The following DGKG variants were observed in gnomAD, a reference collection of about 807,000 sequenced individuals.
DGKG encodes the protein diacylglycerol kinase gamma.
A neutral mutation model predicts 105.3 loss-of-function variants in DGKG; 78 were observed. That is an observed-to-expected ratio of 0.74 (90% confidence interval 0.62 to 0.89). The LOEUF is 0.89. Ranked by LOEUF, DGKG falls within the 40% of genes least tolerant of loss-of-function variation. The pLI, the probability that DGKG is intolerant of heterozygous loss-of-function variation, is 0.00. For synonymous variants in DGKG, 346 were observed against 367.1 expected, an observed-to-expected ratio of 0.94 and a Z score of 0.66; for missense variants, 958 against 1,020.1, an observed-to-expected ratio of 0.94 and a Z score of 0.83.
chr3:186,294,536 CAAAA>C (rs10574886), intron 5 of DGKG, among the ~76,000 whole-genome samples: 96 of 106,854 alleles, frequency 9.0e-4, no homozygotes, highest in African/African-American at 3.0e-3. Flanking sequence ...AACTCTGTCT[CAAAA>C]AAAAAAAAAA....
In DGKG at chr3:186,226,350, G is replaced by A. The variant is rs1719860350; in HGVS notation, c.1827-14465C>T. Among the ~76,000 whole-genome samples, 1 of 152,140 alleles carries A rather than the reference G, an allele frequency of 6.6e-6. No individual in the cohort carries two copies. The highest frequency in any genetic ancestry group is 2.1e-4 in the South Asian group (1 of 4,824). On this transcript the variant is annotated intron_variant, in intron 20 of 24. Transcript: ENST00000265022. This position sits in a 1 kb window ranked among gnomAD's most constrained non-coding sequence, Gnocchi z 4.2. ...TACCAGTTGTGGAGATGGGGCCAGA[G>A]GGGGAAATGTGTACAAGGCATGAAC...
At chr3:186,197,515 G>A (rs974604151) in intron 21 of DGKG, among the ~76,000 whole-genome samples, 4 of 152,166 alleles carry the variant, frequency 2.6e-5, no homozygotes, top group South Asian at 2.1e-4. Flanking sequence ...AGCCCCCGGG[G>A]CCTGTGGGAC....
At position 186,275,692 on chromosome 3, in the gene DGKG, C is replaced by G. The variant is rs760646366; in HGVS notation, c.793-28G>C. ...GCAGGGGTAATAGGAGGTGAGACCCCAAGCTGGCTGCCCTGAGATGGAGGA... is the reference window on the plus strand; with the variant it reads ...GCAGGGGTAATAGGAGGTGAGACCCGAAGCTGGCTGCCCTGAGATGGAGGA... On this transcript the variant is annotated intron_variant, in intron 9 of 24. Transcript: ENST00000265022. 1.1e-5 allele frequency: 18 copies of G among 1,575,152 alleles called. No homozygotes were observed. In the Admixed American group the frequency reaches 1.9e-4, roughly 16 times the overall value.
At chr3:186,223,510 C>T (rs1719703854) in intron 20 of DGKG, among the ~76,000 whole-genome samples, 1 of 152,062 alleles carries the variant, frequency 6.6e-6, no homozygotes, top group Admixed American at 6.6e-5. Context: ...CCTTTCCCAT[C>T]ATGAAATTGT....
chr3:186,304,632 G>A (rs1261109769), intron 3 of DGKG, among the ~76,000 whole-genome samples: 1 of 152,178 alleles, frequency 6.6e-6, no homozygotes, highest in East Asian at 1.9e-4. Context: ...AAAACATTCT[G>A]GGGAAAGGGG....
At chr3:186,290,712 A>G (rs1214446912) in intron 5 of DGKG, among the ~76,000 whole-genome samples, 2 of 152,232 alleles carry the variant, frequency 1.3e-5, no homozygotes, top group African/African-American at 4.8e-5. Flanking sequence ...TCTGGAGCCC[A>G]CAGTGGCTAG....
chr3:186,267,588 G>T, intron 13 of DGKG, 97 bp downstream of exon 13: 1 of 898,034 alleles, frequency 1.1e-6, no homozygotes, highest in Non-Finnish European at 1.8e-6. Context: ...AGAGTTGTCA[G>T]GGAAGCCCTG....
intron 24 of DGKG, among the ~76,000 whole-genome samples, chr3:186,156,972 T>G (rs1716065859): frequency 6.6e-6 from 1 of 152,056 alleles, no homozygotes; most frequent in African/African-American, 2.4e-5. Flanking sequence ...CAAATAATTA[T>G]ATTTCTTTTT....
In DGKG at chr3:186,298,119, G is replaced by C; in HGVS notation, c.255C>G (p.His85Gln). 6.2e-7 allele frequency: 1 copy of C among 1,614,132 alleles called. No homozygotes were observed. The highest frequency in any genetic ancestry group is 8.5e-7 in the Non-Finnish European group (1 of 1,180,008). ...CCTCCGTCGGGTGGTCAGAGGTCTCGTGTCTGGGCTTCTGGCTGAAGGCCA... is the reference window on the plus strand; with the variant it reads ...CCTCCGTCGGGTGGTCAGAGGTCTCCTGTCTGGGCTTCTGGCTGAAGGCCA... ...LFLAFSQKPR[H>Q]ETSDHPTEGA... The change falls in exon 4 of 25, where the codon CAC (histidine) becomes CAG (glutamine). Residue 85 changes from histidine to glutamine, a missense_variant. Around this residue, in one of 2 missense-constraint regions of DGKG, gnomAD observed 643 missense variants for 619.5 expected, o/e 1.04. Transcript: ENST00000265022.
intron 5 of DGKG, among the ~76,000 whole-genome samples, chr3:186,292,672 T>TA (rs1483878885): frequency 2.9e-5 from 4 of 138,002 alleles, no homozygotes; most frequent in African/African-American, 1.0e-4. Flanking sequence ...CGGGTGCCTG[T>TA]AATCCCAGCT....
rs202120237 is a variant in DGKG, at chr3:186,261,766, G to A, written c.1282C>T (p.Pro428Ser). ...AGCAGGGGGTGGGTACCCGGGGTGGGGATGATCTTATACTTGAAAGGTAAA... is the reference window on the plus strand; with the variant it reads ...AGCAGGGGGTGGGTACCCGGGGTGGAGATGATCTTATACTTGAAAGGTAAA... ...GELVMQYKII[P>S]TPGTHPLLVL... The change falls in exon 15 of 25, where the codon CCC becomes TCC. Residue 428 changes from proline (P) to serine (S), a missense_variant. By Grantham distance (74) the Pro-to-Ser change is moderately conservative. This residue lies in a region of DGKG where 643 missense variants were observed against 619.5 expected (regional missense o/e 1.04). Transcript: ENST00000265022. 4 of 1,602,382 alleles carry A rather than the reference G, an allele frequency of 2.5e-6. No homozygotes were observed. Among genetic ancestry groups the A allele is most frequent in the South Asian group, 1.1e-5 (1 of 88,636 alleles).
chr3:186,212,633 A>G (rs1355245408), intron 20 of DGKG, among the ~76,000 whole-genome samples: 1 of 152,100 alleles, frequency 6.6e-6, no homozygotes, highest in Non-Finnish European at 1.5e-5. Flanking sequence ...AAATCAATCA[A>G]TGGGGTTCCC....
rs148914316 is a variant in DGKG at position 186,252,494 on chromosome 3, C to T, written c.1601-575G>A. ...TCTCCATTTTCTGGCGCATGTCCAA[C>T]GCCATGGGGGCTACTGCAGTTTGCA... On this transcript the variant is annotated intron_variant, in intron 18 of 24. Transcript: ENST00000265022. Among the ~76,000 whole-genome samples the T allele has an allele frequency of 3.0e-3, 461 of 152,344 alleles. 1 individual carries two copies. Among genetic ancestry groups the T allele is most frequent in the African/African-American group, 4.1e-3 (170 of 41,580 alleles).
At chr3:186,322,229 G>A (rs934855379) in intron 1 of DGKG, among the ~76,000 whole-genome samples, 14 of 152,102 alleles carry the variant, frequency 9.2e-5, no homozygotes, top group African/African-American at 2.7e-4. Context: ...TATACACCAC[G>A]GAATACTACA....
Position 186,147,613 on chromosome 3 carries a change from T to G in DGKG, c.*2477A>C. On this transcript the variant is annotated 3_prime_UTR_variant, in exon 25 of 25. Coordinates refer to ENST00000265022, the MANE Select transcript of DGKG (RefSeq NM_001346.3). The stretch of plus-strand genomic sequence containing the variant: ...TTGGGATATGTCTCTCAAGCAACAT[T>G]GCAAGTCCTGTGCACTAGGGTGCAG... 1 of 985,462 alleles carries G rather than the reference T, an allele frequency of 1.0e-6. No homozygotes were observed. Among genetic ancestry groups the G allele is most frequent in the Non-Finnish European group, 1.2e-6 (1 of 829,942 alleles). 61.0% of individuals were successfully genotyped at this position (985,462 alleles called of 1,614,324 possible).
chr3:186,264,068 C>T (rs1034772119), intron 14 of DGKG, among the ~76,000 whole-genome samples: 2 of 152,212 alleles, frequency 1.3e-5, no homozygotes, highest in Non-Finnish European at 2.9e-5. Flanking sequence ...GCCAGTCCTA[C>T]AGTGGGGGCT....
chr3:186,257,478 C>T (rs906445692), intron 17 of DGKG, among the ~76,000 whole-genome samples: 2 of 152,146 alleles, frequency 1.3e-5, no homozygotes, highest in Non-Finnish European at 2.9e-5. Context: ...TGATTTGTCC[C>T]AGGCTATGAT....
rs189220293 is a variant in DGKG at position 186,185,903 on chromosome 3, C to A, written c.2095+2299G>T. ...CCTGAGGGCAGGAGTTTGAGACCAG[C>A]CTGGTCAACATGGAGAAACCCCATC... On this transcript the variant is annotated intron_variant, in intron 22 of 24. Transcript: ENST00000265022. Among the ~76,000 whole-genome samples the A allele has an allele frequency of 8.0e-3, 1,216 of 151,718 alleles. 10 individuals carry two copies. The highest frequency in any genetic ancestry group is 0.014 in the Non-Finnish European group (944 of 67,892).
intron 5 of DGKG, among the ~76,000 whole-genome samples, chr3:186,291,724 T>C (rs1723316865): frequency 6.6e-6 from 1 of 151,664 alleles, no homozygotes; most frequent in African/African-American, 2.4e-5. Context: ...TCAGTAGTTG[T>C]ATGGGGATGA....
Sources: gnomAD v4.1 joint callset for allele counts (sites outside exome capture counted in the v4.1 genomes callset) on GRCh38, gnomAD v4.1.1 for gene constraint, gnomAD v4.1.1 regional missense constraint, Gnocchi (gnomAD v3.1) non-coding constraint, MANE v1.5 for transcripts, NCBI Gene and HGNC (gene_info 2026-07-23, HGNC 2026-07-21) for gene names.